BMPR1B: variants seen among roughly 807,000 people sequenced by gnomAD.
BMPR1B encodes bone morphogenetic protein receptor type-1B.
A neutral mutation model predicts 59.1 loss-of-function variants in BMPR1B; 12 were observed. That is an observed-to-expected ratio of 0.20 (90% CI 0.13 to 0.33). The LOEUF (loss-of-function observed/expected upper bound fraction) is 0.33, where lower values mean the gene tolerates loss of function less well. BMPR1B is among the 10% of genes least tolerant of loss of function. The pLI is 1.00. For missense variants in BMPR1B, 550 were observed against 610.9 expected, an observed-to-expected ratio of 0.90 and a Z score of 1.05; for synonymous variants, 237 against 207.3, an observed-to-expected ratio of 1.14 and a Z score of -1.23.
At chr4:95,014,546 G>A (rs1272560786) in intron 3 of BMPR1B, among the ~76,000 whole-genome samples, 1 of 152,166 alleles carries the variant, frequency 6.6e-6, no homozygotes, top group East Asian at 1.9e-4. Flanking sequence ...CTTATACAGA[G>A]TGAAAGGCCA....
At chr4:94,968,315 T>C (rs1730634485) in intron 2 of BMPR1B, among the ~76,000 whole-genome samples, 1 of 151,570 alleles carries the variant, frequency 6.6e-6, no homozygotes, top group African/African-American at 2.4e-5. Flanking sequence ...GGAACATTGC[T>C]CAGCTCTGGG....
intron 2 of BMPR1B, among the ~76,000 whole-genome samples, chr4:94,905,345 T>C (rs1727995188): frequency 6.6e-6 from 1 of 152,082 alleles, no homozygotes; most frequent in Admixed American, 6.6e-5. Context: ...TTGGTATTGC[T>C]TCTGTAGTGA....
chr4:94,841,234 C>A (rs1438254922), intron 1 of BMPR1B, among the ~76,000 whole-genome samples: 1 of 148,826 alleles, frequency 6.7e-6, no homozygotes, highest in Non-Finnish European at 1.5e-5. Flanking sequence ...GTGCCCTGCC[C>A]CCAGAGGTGG....
chr4:94,915,975 T>C (rs1329188616), intron 2 of BMPR1B, among the ~76,000 whole-genome samples: 1 of 152,170 alleles, frequency 6.6e-6, no homozygotes, highest in Admixed American at 6.5e-5. Context: ...TTCCTACTTT[T>C]GCCACGTGAC....
chr4:94,935,717 A>G (rs1484768314), intron 2 of BMPR1B, among the ~76,000 whole-genome samples: 2 of 152,198 alleles, frequency 1.3e-5, no homozygotes, highest in Admixed American at 6.5e-5. Context: ...TGCTGATTTC[A>G]TTCAGTTATT....
intron 2 of BMPR1B, among the ~76,000 whole-genome samples, chr4:94,913,363 T>TGC (rs1728359955): frequency 6.6e-6 from 1 of 152,210 alleles, no homozygotes; most frequent in Admixed American, 6.5e-5. Flanking sequence ...TAAGAATTTC[T>TGC]GCCACCACTG....
chr4:94,784,948 C>T (rs1043201152), intron 1 of BMPR1B, among the ~76,000 whole-genome samples: 32 of 152,168 alleles, frequency 2.1e-4, no homozygotes, highest in African/African-American at 7.7e-4. Context: ...GCATCTGGAC[C>T]TACAAAGCCT....
rs952117887 is a variant in BMPR1B, at chr4:95,158,287, A to G, written c.*3614A>G. On this transcript the variant is annotated 3_prime_UTR_variant, in exon 13 of 13. Transcript: ENST00000515059. ...CGTTGTCTGTTTCACAAGAAGACTC[A>G]TTTGTTCTTTTGGGGGAACCAGTGC... 2 of 152,194 alleles carry G rather than the reference A, an allele frequency of 1.3e-5. No homozygotes were observed. Among genetic ancestry groups the G allele is most frequent in the Admixed American group, 1.3e-4 (2 of 15,288 alleles). 9.4% of individuals were successfully genotyped at this position (152,194 alleles called of 1,614,324 possible). A position where few individuals can be genotyped will look rare whatever the true frequency, so the allele number is the denominator to read the frequency against.
At chr4:94,952,652 C>T (rs1729992063) in intron 2 of BMPR1B, among the ~76,000 whole-genome samples, 1 of 152,092 alleles carries the variant, frequency 6.6e-6, no homozygotes, top group African/African-American at 2.4e-5. Flanking sequence ...TGTTCTTTTG[C>T]ATTTGCTGAG....
intron 2 of BMPR1B, among the ~76,000 whole-genome samples, chr4:94,914,362 C>T (rs1446046946): frequency 1.3e-5 from 2 of 152,036 alleles, no homozygotes; most frequent in Admixed American, 6.6e-5. Flanking sequence ...AATATATAGG[C>T]CTTGAAGAGA....
chr4:95,149,968 A>G (rs748591100), intron 11 of BMPR1B, among the ~76,000 whole-genome samples: 8 of 152,230 alleles, frequency 5.3e-5, no homozygotes, highest in Non-Finnish European at 1.2e-4. Flanking sequence ...CACTCAATAC[A>G]TGTTAGCTAT....
intron 2 of BMPR1B, among the ~76,000 whole-genome samples, chr4:94,942,016 G>A (rs1429440887): frequency 2.0e-5 from 3 of 152,194 alleles, no homozygotes; most frequent in South Asian, 2.1e-4. Context: ...TTTGGCACAG[G>A]CAAAAGACCA....
intron 2 of BMPR1B, among the ~76,000 whole-genome samples, chr4:94,954,040 C>T (rs1730049697): frequency 6.6e-6 from 1 of 151,818 alleles, no homozygotes; most frequent in South Asian, 2.1e-4. Context: ...TCTTTTCTTC[C>T]ACTTGATCGA....
At chr4:95,140,160 T>C (rs990286358) in intron 10 of BMPR1B, among the ~76,000 whole-genome samples, 3 of 152,232 alleles carry the variant, frequency 2.0e-5, no homozygotes, top group Admixed American at 2.0e-4. Context: ...GTAGTCATCA[T>C]TGACTACTTA....
intron 1 of BMPR1B, among the ~76,000 whole-genome samples, chr4:94,832,872 T>G (rs753317265): frequency 1.3e-5 from 2 of 152,138 alleles, no homozygotes; most frequent in Non-Finnish European, 2.9e-5. Context: ...ATCCCAACTC[T>G]GCACTTGAGC....
intron 10 of BMPR1B, among the ~76,000 whole-genome samples, 185 bp downstream of exon 10, chr4:95,131,697 G>A (rs895738763): frequency 2.0e-5 from 3 of 152,136 alleles, no homozygotes; most frequent in African/African-American, 7.2e-5. Context: ...TTGTTTCTAT[G>A]CTCATCAGAG....
At chr4:94,968,120 T>C (rs17402559) in intron 2 of BMPR1B, among the ~76,000 whole-genome samples, 17,328 of 152,256 alleles carry the variant, frequency 0.11, 1,162 homozygotes, top group Middle Eastern at 0.18. Context: ...ATCTTTGGAC[T>C]TCCCTAGCAT....
intron 2 of BMPR1B, among the ~76,000 whole-genome samples, chr4:94,934,666 G>A (rs1368906987): frequency 1.3e-5 from 2 of 151,998 alleles, no homozygotes; most frequent in African/African-American, 4.8e-5. Flanking sequence ...CTGAGAGTCT[G>A]AGATCCAAAG....
intron 3 of BMPR1B, among the ~76,000 whole-genome samples, chr4:95,089,352 C>A (rs751909244): frequency 6.6e-6 from 1 of 151,480 alleles, no homozygotes; most frequent in Non-Finnish European, 1.5e-5. Flanking sequence ...TTGGGAGAGC[C>A]CATATTGACA....
Sources: allele counts gnomAD v4.1 joint callset (sites outside exome capture counted in the v4.1 genomes callset), GRCh38; gene constraint gnomAD v4.1.1; transcripts MANE v1.5; gene names NCBI Gene and HGNC (gene_info 2026-07-23, HGNC 2026-07-21).